Variants in IGF1 observed in about 807,000 individuals in gnomAD.
IGF1 encodes the protein insulin like growth factor 1.
In IGF1, 4 loss-of-function variants were observed where a neutral mutation model predicts 13.8. That is an observed-to-expected ratio of 0.29 (90% CI 0.14 to 0.66). The LOEUF is 0.66. Ranked by LOEUF, IGF1 falls within the 30% of genes least tolerant of loss-of-function variation. The pLI is 0.78. For missense variants in IGF1, 124 were observed against 188.5 expected, an observed-to-expected ratio of 0.66 and a Z score of 2.00; for synonymous variants, 76 against 72.6, an observed-to-expected ratio of 1.05 and a Z score of -0.23.
chr12:102,462,108 CTA>C (rs1463879438), intron 2 of IGF1, among the ~76,000 whole-genome samples: 1 of 152,176 alleles, frequency 6.6e-6, no homozygotes, highest in African/African-American at 2.4e-5. Context: ...TAGCAAGACT[CTA>C]TGTCTATGTG....
At chr12:102,436,438 A>C (rs1005316685) in intron 2 of IGF1, among the ~76,000 whole-genome samples, 2 of 152,184 alleles carry the variant, frequency 1.3e-5, no homozygotes, top group Admixed American at 1.3e-4. Context: ...TCAATTGTAA[A>C]ATTCAGCTCA....
At chr12:102,463,271 T>C (rs1880065508) in intron 2 of IGF1, 2 of 152,168 alleles carry the variant, frequency 1.3e-5, no homozygotes, top group Admixed American at 6.5e-5. Context: ...AAACTAAATA[T>C]GTCTATGAAC....
intron 1 of IGF1, among the ~76,000 whole-genome samples, chr12:102,476,738 G>A (rs1357497424): frequency 6.6e-6 from 1 of 152,068 alleles, no homozygotes; most frequent in Non-Finnish European, 1.5e-5. Context: ...CTATTTTATA[G>A]CAAAATATAC....
chr12:102,421,518 G>T (rs551922915), intron 2 of IGF1, among the ~76,000 whole-genome samples: 7 of 152,260 alleles, frequency 4.6e-5, no homozygotes, highest in African/African-American at 1.7e-4. Flanking sequence ...CTCTCTTGTG[G>T]GTGGGGAGGA....
In IGF1 at chr12:102,398,798, TC is replaced by T. The variant is rs1301592167; in HGVS notation, c.*3708del. On this transcript the variant is annotated 3_prime_UTR_variant, in exon 4 of 4. Coordinates refer to ENST00000337514, the MANE Select transcript of IGF1 (RefSeq NM_000618.5). ...CTATGCTTTCTTTTTTTTCTTTTTT[TC>T]TTTTTTTTTTAGTCAAGTACTTTCT... The T allele has an allele frequency of 2.0e-5, 3 of 152,332 alleles. No homozygotes were observed. Among genetic ancestry groups the T allele is most frequent in the Non-Finnish European group, 2.9e-5 (2 of 67,996 alleles). 9.4% of individuals were successfully genotyped at this position (152,332 alleles called of 1,614,324 possible). A position where few individuals can be genotyped will look rare whatever the true frequency, so the allele number is the denominator to read the frequency against.
chr12:102,415,663 A>T (rs1363590065), intron 3 of IGF1: 1 of 143,988 alleles, frequency 6.9e-6, no homozygotes, highest in African/African-American at 2.6e-5. Flanking sequence ...GTTCTTCTTG[A>T]ATGAAATTTA....
intron 3 of IGF1, among the ~76,000 whole-genome samples, chr12:102,415,422 T>C (rs1355849226): frequency 1.3e-5 from 2 of 152,238 alleles, no homozygotes; most frequent in African/African-American, 4.8e-5. Flanking sequence ...TAATCACATG[T>C]AGGCATTCAA....
At chr12:102,440,012 G>A (rs1305844670) in intron 2 of IGF1, among the ~76,000 whole-genome samples, 1 of 152,158 alleles carries the variant, frequency 6.6e-6, no homozygotes, top group Non-Finnish European at 1.5e-5. Flanking sequence ...TTTAAATGTA[G>A]GATGACAACC....
At chr12:102,405,194 C>T (rs1167972237) in intron 3 of IGF1, among the ~76,000 whole-genome samples, 2 of 151,702 alleles carry the variant, frequency 1.3e-5, no homozygotes, top group African/African-American at 4.8e-5. Flanking sequence ...TCAAGTGATT[C>T]TCCTGCCTCA....
intron 2 of IGF1, among the ~76,000 whole-genome samples, chr12:102,450,032 CAA>C (rs1214116810): frequency 1.3e-5 from 2 of 152,086 alleles, no homozygotes; most frequent in African/African-American, 4.8e-5. Flanking sequence ...ATGAAGACTT[CAA>C]AAGTGTTTTA....
chr12:102,429,835 G>T (rs1482754650), intron 2 of IGF1, among the ~76,000 whole-genome samples: 4 of 151,974 alleles, frequency 2.6e-5, no homozygotes, highest in African/African-American at 9.7e-5. Flanking sequence ...ATGGCCTTTT[G>T]GCCTTCTGGC....
intron 2 of IGF1, among the ~76,000 whole-genome samples, chr12:102,438,235 CTTCT>C (rs2137079496): frequency 6.6e-6 from 1 of 152,292 alleles, no homozygotes; most frequent in African/African-American, 2.4e-5. Flanking sequence ...CCTCTGCGGT[CTTCT>C]TTCTATCACA....
At chr12:102,448,164 T>C (rs1396590880) in intron 2 of IGF1, among the ~76,000 whole-genome samples, 1 of 149,946 alleles carries the variant, frequency 6.7e-6, no homozygotes, top group Non-Finnish European at 1.5e-5. Flanking sequence ...AGAAATACCA[T>C]TTGACCCAGC....
At chr12:102,478,638 C>T (rs952100491) in intron 1 of IGF1, 3 of 1,452,746 alleles carry the variant, frequency 2.1e-6, no homozygotes, top group East Asian at 2.6e-5. Context: ...ATTTGGACAC[C>T]CAGGCAGGTA....
chr12:102,434,473 A>G (rs1877036837), intron 2 of IGF1, among the ~76,000 whole-genome samples: 1 of 150,222 alleles, frequency 6.7e-6, no homozygotes, highest in African/African-American at 2.5e-5. Flanking sequence ...TACAAAGGAC[A>G]TGAACTCATC....
chr12:102,470,369 T>G (rs1368126067), intron 2 of IGF1, among the ~76,000 whole-genome samples: 1 of 152,232 alleles, frequency 6.6e-6, no homozygotes, highest in Non-Finnish European at 1.5e-5. Flanking sequence ...GGAGATGGTC[T>G]TGAAGGGCAT....
intron 3 of IGF1, chr12:102,417,916 C>T: frequency 6.2e-7 from 1 of 1,613,868 alleles, no homozygotes; most frequent in Non-Finnish European, 8.5e-7. Flanking sequence ...GCTTCTGTCC[C>T]CTCCTTCTGT....
Position 102,401,350 on chromosome 12 carries a change from C to A in IGF1, c.*1157G>T, listed in dbSNP as rs79306998. On this transcript the variant is annotated 3_prime_UTR_variant, in exon 4 of 4. Coordinates refer to ENST00000337514, the MANE Select transcript of IGF1 (RefSeq NM_000618.5). ...AAAAGAAACCAGGACTGCTAAAATT[C>A]CTAGCCTTCTGCTTTTTCCATTCCA... The A allele has an allele frequency of 6.6e-6, 1 of 152,596 alleles. No individual in the cohort carries two copies. Among genetic ancestry groups the A allele is most frequent in the East Asian group, 1.9e-4 (1 of 5,192 alleles). The allele number at this position is 152,596 out of a possible 1,614,324, so 9.5% of individuals were successfully genotyped here.
rs918909246 is a variant in IGF1, at chr12:102,416,249, C to T, written c.402+3260G>A. Among the ~76,000 whole-genome samples the T allele has an allele frequency of 8.5e-5, 13 of 152,262 alleles. No individual in the cohort carries two copies. In the East Asian group the frequency reaches 1.3e-3, roughly 16 times the overall value. On this transcript the variant is annotated intron_variant, in intron 3 of 3. Coordinates refer to ENST00000337514, the MANE Select transcript of IGF1 (RefSeq NM_000618.5). ...CACCATTTGTTTGGTAGAGAACTTCCGTCTTGTACCCTTTCTCAGCTCTTC... is the reference window on the plus strand; with the variant it reads ...CACCATTTGTTTGGTAGAGAACTTCTGTCTTGTACCCTTTCTCAGCTCTTC...
Sources: gnomAD v4.1 joint callset for allele counts (sites outside exome capture counted in the v4.1 genomes callset) on GRCh38, gnomAD v4.1.1 for gene constraint, MANE v1.5 for transcripts, NCBI Gene and HGNC (gene_info 2026-07-23, HGNC 2026-07-21) for gene names.